Variants in SLC22A5 observed in about 807,000 individuals in gnomAD.
The protein encoded by SLC22A5 is organic cation/carnitine transporter 2.
Under a neutral mutation model 56.7 loss-of-function variants are expected in SLC22A5, and 44 were observed. That is an observed-to-expected ratio of 0.78 (90% CI 0.61 to 1.00). SLC22A5 has a LOEUF of 1.00. Among genes scored for constraint, SLC22A5 ranks in the 50% least tolerant of loss-of-function variants. SLC22A5 has a pLI of 0.00. For synonymous variants in SLC22A5, 278 were observed against 292.1 expected, an observed-to-expected ratio of 0.95 and a Z score of 0.49; for missense variants, 675 against 723.0, an observed-to-expected ratio of 0.93 and a Z score of 0.76.
chr5:132,378,081 G>T, intron 1 of SLC22A5: 2 of 1,538,230 alleles, frequency 1.3e-6, no homozygotes, highest in Non-Finnish European at 1.8e-6. Flanking sequence ...TTAGGAGCAA[G>T]CGTTAGAGGC....
chr5:132,371,680 G>A (rs1751937524), intron 1 of SLC22A5, among the ~76,000 whole-genome samples: 1 of 152,144 alleles, frequency 6.6e-6, no homozygotes, highest in African/African-American at 2.4e-5. Flanking sequence ...CAGAAGAGGA[G>A]GCCTCTCCGT....
intron 2 of SLC22A5, chr5:132,380,172 G>A (rs1302598162): frequency 1.3e-5 from 2 of 152,576 alleles, no homozygotes; most frequent in Non-Finnish European, 2.9e-5. Context: ...GCCAGCTGAG[G>A]GGTAGAGAGG....
At chr5:132,380,733 A>G (rs1318094151) in intron 2 of SLC22A5, 2 of 152,226 alleles carry the variant, frequency 1.3e-5, no homozygotes, top group African/African-American at 4.8e-5. Context: ...AACCACGTTC[A>G]TGGATATTGA....
At chr5:132,384,536 G>C (rs1752457215) in intron 3 of SLC22A5, among the ~76,000 whole-genome samples, 1 of 152,136 alleles carries the variant, frequency 6.6e-6, no homozygotes, top group African/African-American at 2.4e-5. Flanking sequence ...TTCTTTTCTG[G>C]CCTCTGGGCT....
chr5:132,379,231 T>C (rs1276444144), intron 2 of SLC22A5: 2 of 152,758 alleles, frequency 1.3e-5, no homozygotes, highest in African/African-American at 4.8e-5. Flanking sequence ...GGGTCCATTA[T>C]GTTGTGTCTT....
At chr5:132,387,295 C>A (rs565361990) in intron 5 of SLC22A5, 144 bp downstream of exon 5, 7 of 868,974 alleles carry the variant, frequency 8.1e-6, no homozygotes, top group East Asian at 2.6e-5. Flanking sequence ...CCCATCCCCC[C>A]ACTCCCCACC....
intron 1 of SLC22A5, among the ~76,000 whole-genome samples, chr5:132,372,295 A>T (rs1040451063): frequency 1.4e-4 from 22 of 152,310 alleles, no homozygotes; most frequent in Middle Eastern, 3.4e-3. Flanking sequence ...GCTGTCCCTG[A>T]GGTTGCAGGC....
rs774238199 is a variant in SLC22A5, at chr5:132,370,138, G to A, written c.166G>A (p.Ala56Thr). The A allele has an allele frequency of 6.2e-7, 1 of 1,609,804 alleles. No individual in the cohort carries two copies. The highest frequency in any genetic ancestry group is 1.1e-5 in the South Asian group (1 of 90,796). ...PEHRCRVPDA[A>T]NLSSAWRNHT... ...GCACCGCTGCCGGGTGCCGGACGCC[G>A]CGAACCTGAGCAGCGCCTGGCGCAA... The change falls in exon 1 of 10, where the codon GCG (alanine) becomes ACG (threonine). Residue 56 changes from alanine to threonine, a missense_variant. Coordinates refer to ENST00000245407, the MANE Select transcript of SLC22A5 (RefSeq NM_003060.4).
rs78200702 is a variant in SLC22A5 at position 132,390,398 on chromosome 5, T to G, written c.1053-292T>G. ...AAGCTGAAAGGCAGGTTGGAATTTT[T>G]CTTTTCAATGAAGTAAATCTATCTG... On this transcript the variant is annotated intron_variant, in intron 6 of 9. Coordinates refer to ENST00000245407, the MANE Select transcript of SLC22A5 (RefSeq NM_003060.4). 589 of 454,338 alleles carry G rather than the reference T, an allele frequency of 1.3e-3. 5 individuals carry two copies. The highest frequency in any genetic ancestry group is 0.01 in the African/African-American group (521 of 50,632). 28.1% of individuals were successfully genotyped at this position (454,338 alleles called of 1,614,324 possible).
chr5:132,381,696 T>C (rs1321841200), intron 2 of SLC22A5: 1 of 152,268 alleles, frequency 6.6e-6, no homozygotes. Context: ...TGAGTTATCT[T>C]TATGCGTCTG....
At chr5:132,383,244 T>G (rs1293921586) in intron 2 of SLC22A5, 12 of 152,312 alleles carry the variant, frequency 7.9e-5, no homozygotes, top group African/African-American at 2.9e-4. Flanking sequence ...TTTTTAGTTT[T>G]ATTATCGAAA....
chr5:132,369,922 C>G lies in SLC22A5; in HGVS notation c.-51C>G. On this transcript the variant is annotated 5_prime_UTR_variant, in exon 1 of 10. Transcript: ENST00000245407. Reference sequence around the variant, plus strand: ...GGTGCCCCGCGCGCACGCGCAAAGCCCGCCGCGTTCCCCGACCCCAGGCCG... The same window carrying G: ...GGTGCCCCGCGCGCACGCGCAAAGCGCGCCGCGTTCCCCGACCCCAGGCCG... The G allele has an allele frequency of 6.2e-7, 1 of 1,603,472 alleles. No individual in the cohort carries two copies. The highest frequency in any genetic ancestry group is 8.5e-7 in the Non-Finnish European group (1 of 1,176,146).
At chr5:132,388,289 C>CT (rs1752597419) in intron 5 of SLC22A5, among the ~76,000 whole-genome samples, 3 of 152,182 alleles carry the variant, frequency 2.0e-5, no homozygotes, top group Non-Finnish European at 4.4e-5. Flanking sequence ...TGTTGAACTT[C>CT]TAACTCTGGA....
intron 7 of SLC22A5, among the ~76,000 whole-genome samples, 153 bp from the exon 8 acceptor site, chr5:132,392,280 G>A (rs984209866): frequency 2.0e-5 from 3 of 152,180 alleles, no homozygotes; most frequent in African/African-American, 7.2e-5. Flanking sequence ...CAATTTGGAG[G>A]GAAATCTTGG....
In SLC22A5 at chr5:132,370,387, G is replaced by T. The variant is rs200852054; in HGVS notation, c.393+22G>T. 4.5e-5 allele frequency: 73 copies of T among 1,610,390 alleles called. No homozygotes were observed. In the East Asian group the frequency reaches 1.6e-3, roughly 35 times the overall value. On this transcript the variant is annotated intron_variant, in intron 1 of 9. Transcript: ENST00000245407. ...CGAGGTGGGTGCCGGCCCCTGCTGG[G>T]GCTGAGACCAGGGCTCGGAGGACCT...
At chr5:132,393,937 A>G in intron 9 of SLC22A5, 126 bp downstream of exon 9, 2 of 1,178,762 alleles carry the variant, frequency 1.7e-6, no homozygotes, top group Middle Eastern at 2.0e-4. Context: ...TTTAGCCATT[A>G]AAGGGTTGTA....
rs1279716415 is a variant in SLC22A5 at position 132,378,367 on chromosome 5, T to G, written c.394-11T>G. On this transcript the variant is annotated splice_polypyrimidine_tract_variant and intron_variant, in intron 1 of 9. Transcript: ENST00000245407. ...GAAGTGAATGATACACCCCCTTTGC[T>G]CATCTTGCAGTGGAACCTGGTGTGT... 6.2e-7 allele frequency: 1 copy of G among 1,613,628 alleles called. No individual in the cohort carries two copies. Among genetic ancestry groups the G allele is most frequent in the African/African-American group, 1.3e-5 (1 of 74,908 alleles).
chr5:132,370,462 C>T (rs1403067191), intron 1 of SLC22A5, 97 bp downstream of exon 1: 4 of 1,324,904 alleles, frequency 3.0e-6, no homozygotes, highest in Middle Eastern at 2.0e-4. Context: ...GCACTGGACG[C>T]TGTCACTCCC....
chr5:132,375,164 C>T (rs1752092506), intron 1 of SLC22A5, among the ~76,000 whole-genome samples: 1 of 152,210 alleles, frequency 6.6e-6, no homozygotes, highest in African/African-American at 2.4e-5. Context: ...AAGGTTGATA[C>T]CTTTTTATTT....
Sources: allele counts gnomAD v4.1 joint callset (sites outside exome capture counted in the v4.1 genomes callset), GRCh38; gene constraint gnomAD v4.1.1; transcripts MANE v1.5; gene names NCBI Gene and HGNC (gene_info 2026-07-23, HGNC 2026-07-21).